Variants in AMMECR1 observed in about 807,000 individuals in gnomAD.
AMMECR1 encodes the protein AMMECR nuclear protein 1, also known as nuclear protein AMMECR1.
Under a neutral mutation model 22.5 loss-of-function variants are expected in AMMECR1, and 3 were observed. The ratio of observed to expected loss-of-function variants is 0.13; its 90% CI spans 0.06 to 0.35. AMMECR1 has a LOEUF of 0.35. AMMECR1 is among the 10% of genes least tolerant of loss of function. The probability of loss-of-function intolerance (pLI) is 1.00; values close to 1 mark genes in which losing one functional copy is unlikely to be tolerated. For synonymous variants in AMMECR1, 130 were observed against 116.7 expected (o/e 1.11, Z -0.74); for missense variants, 235 against 278.7 (o/e 0.84, Z 1.12).
intron 2 of AMMECR1, among the ~76,000 whole-genome samples, chrX:110,417,958 CA>C: frequency 8.9e-6 from 1 of 112,730 alleles, no homozygotes; most frequent in Non-Finnish European, 1.9e-5. Flanking sequence ...GTGCCATGTT[CA>C]GGGGCAAGAG....
intron 2 of AMMECR1, among the ~76,000 whole-genome samples, chrX:110,421,331 C>G (rs931670096): frequency 8.9e-6 from 1 of 112,649 alleles, no homozygotes; most frequent in African/African-American, 3.2e-5. Context: ...TGGCAGGATG[C>G]TGCCATACAG....
chrX:110,435,413 C>T (rs1431206974), intron 1 of AMMECR1, among the ~76,000 whole-genome samples: 1 of 112,355 alleles, frequency 8.9e-6, no homozygotes, highest in East Asian at 2.8e-4. Context: ...GAGCTGGGAG[C>T]ACATTCATGA....
chrX:110,264,821 A>AAATGTTT (rs1358354584), intron 1 of AMMECR1, among the ~76,000 whole-genome samples: 3 of 111,559 alleles, frequency 2.7e-5, no homozygotes, highest in Non-Finnish European at 5.7e-5. Flanking sequence ...CTATCTCAAT[A>AAATGTTT]AATGTTTTAA....
In AMMECR1 at chrX:110,436,118, C is replaced by T. The variant is rs552641962; in HGVS notation, c.-294+3772G>A. 4.4e-5 allele frequency among the ~76,000 whole-genome samples: 5 copies of T among 112,665 alleles called. No individual in the cohort carries two copies. The South Asian group carries it at 1.8e-3, about 42-fold the overall frequency. ...TGCGTTTTGCACCTCAGACTGCTAG[C>T]ATCGCTGATTTAGGTCTGGAGTTTA... is the stretch of plus-strand genomic sequence containing the variant. On this transcript the variant is annotated intron_variant, in intron 1 of 7. Transcript: ENST00000372057.
At chrX:110,214,195 G>A (rs907294654) in intron 3 of AMMECR1, among the ~76,000 whole-genome samples, 13 of 110,350 alleles carry the variant, frequency 1.2e-4, no homozygotes, top group Admixed American at 1.1e-3. Context: ...CCCAGGAGGC[G>A]GAGCTTGCAG....
intron 2 of AMMECR1, among the ~76,000 whole-genome samples, chrX:110,379,205 T>C (rs1483604946): frequency 8.9e-6 from 1 of 112,456 alleles, no homozygotes; most frequent in East Asian, 2.8e-4. Context: ...ATTTCTATTA[T>C]AGCTTTCAAG....
intron 1 of AMMECR1, among the ~76,000 whole-genome samples, chrX:110,271,224 G>A (rs769420734): frequency 8.9e-6 from 1 of 112,327 alleles, no homozygotes; most frequent in South Asian, 3.7e-4. Flanking sequence ...TAGATAGACA[G>A]CATAAATTAG....
chrX:110,379,163 G>T (rs1310120968), intron 2 of AMMECR1, among the ~76,000 whole-genome samples: 2 of 111,439 alleles, frequency 1.8e-5, no homozygotes, highest in East Asian at 5.6e-4. Context: ...CCTTTCAATT[G>T]CTCTCTAGTG....
chrX:110,373,804 TA>T (rs1189704039), intron 2 of AMMECR1, among the ~76,000 whole-genome samples: 1 of 111,471 alleles, frequency 9.0e-6, no homozygotes, highest in Non-Finnish European at 1.9e-5. Flanking sequence ...ACCAAATAAA[TA>T]GGCCAGAAAT....
At chrX:110,353,334 A>G (rs1373028331) in intron 2 of AMMECR1, among the ~76,000 whole-genome samples, 1 of 111,095 alleles carries the variant, frequency 9.0e-6, no homozygotes, top group Non-Finnish European at 1.9e-5. Context: ...AATCTTTGTT[A>G]TTTCTTTCCT....
intron 2 of AMMECR1, among the ~76,000 whole-genome samples, chrX:110,244,147 A>G (rs1307945426): frequency 9.0e-6 from 1 of 111,377 alleles, no homozygotes; most frequent in Non-Finnish European, 1.9e-5. Flanking sequence ...CATCTTGTTC[A>G]ATTACTACCT....
intron 2 of AMMECR1, among the ~76,000 whole-genome samples, chrX:110,344,738 GA>G (rs1397471062): frequency 9.0e-6 from 1 of 111,516 alleles, no homozygotes; most frequent in African/African-American, 3.3e-5. Flanking sequence ...ACAGACACAT[GA>G]AAAAATGCTC....
chrX:110,412,215 T>C (rs2148310397), intron 2 of AMMECR1, among the ~76,000 whole-genome samples: 1 of 112,784 alleles, frequency 8.9e-6, no homozygotes, highest in South Asian at 3.7e-4. Flanking sequence ...TCATTCACTC[T>C]TGATGCACAT....
At position 110,343,471 on chromosome X, in the gene AMMECR1, C is replaced by T. The variant is rs372213064; in HGVS notation, c.-147-25622G>A. Among the ~76,000 whole-genome samples the T allele has an allele frequency of 9.9e-5, 11 of 110,989 alleles. No homozygotes were observed. The East Asian group carries it at 1.7e-3, about 17-fold the overall frequency. The stretch of plus-strand genomic sequence containing the variant: ...CCTCTCTCACCACTCCTATTCAACA[C>T]AGTGTTGGAAGTTCTGGCCAGGGCA... On this transcript the variant is annotated intron_variant, in intron 2 of 7. Coordinates refer to the AMMECR1 transcript ENST00000372057.
At chrX:110,355,325 A>C in intron 2 of AMMECR1, among the ~76,000 whole-genome samples, 1 of 112,123 alleles carries the variant, frequency 8.9e-6, no homozygotes, top group Non-Finnish European at 1.9e-5. Context: ...ACCTGAGCCC[A>C]GAGGCTGGAG....
At chrX:110,342,248 C>G (rs1362563622) in intron 2 of AMMECR1, among the ~76,000 whole-genome samples, 1 of 111,724 alleles carries the variant, frequency 9.0e-6, no homozygotes, top group Non-Finnish European at 1.9e-5. Context: ...AGGTACAGTA[C>G]TATTTGCCAT....
At chrX:110,390,085 T>G (rs1452132169) in intron 2 of AMMECR1, among the ~76,000 whole-genome samples, 1 of 111,843 alleles carries the variant, frequency 8.9e-6, no homozygotes, top group Non-Finnish European at 1.9e-5. Flanking sequence ...CATTGCAAGT[T>G]GTATGTGGGA....
At chrX:110,270,571 C>A (rs1375396656) in intron 1 of AMMECR1, among the ~76,000 whole-genome samples, 2 of 111,908 alleles carry the variant, frequency 1.8e-5, no homozygotes, top group Admixed American at 1.9e-4. Flanking sequence ...TACTACATAG[C>A]ACCACACAGG....
chrX:110,248,341 G>A (rs1157553662), intron 2 of AMMECR1, among the ~76,000 whole-genome samples: 1 of 110,499 alleles, frequency 9.0e-6, no homozygotes, highest in Non-Finnish European at 1.9e-5. Context: ...AGCTGTGATT[G>A]CACTACTGTA....
Sources: gnomAD v4.1 joint callset for allele counts (sites outside exome capture counted in the v4.1 genomes callset) on GRCh38, gnomAD v4.1.1 for gene constraint, MANE v1.5 for transcripts, NCBI Gene and HGNC (gene_info 2026-07-23, HGNC 2026-07-21) for gene names.